Variants in BRWD3 observed in about 807,000 individuals in gnomAD.
BRWD3 encodes bromodomain and WD repeat-containing protein 3.
BRWD3 carries 10 observed loss-of-function variants against 149.7 expected under a neutral mutation model. The ratio of observed to expected loss-of-function variants is 0.07; its 90% confidence interval spans 0.04 to 0.11. The LOEUF is 0.11. Among genes scored for constraint, BRWD3 ranks in the 10% least tolerant of loss-of-function variants. The pLI is 1.00. For missense variants in BRWD3, 940 were observed against 1,373.2 expected (o/e 0.68, Z 4.99); for synonymous variants, 504 against 456.7 (o/e 1.10, Z -1.32).
rs187822074 is a variant in BRWD3, at chrX:80,734,225, G to T, written c.986-7C>A. On this transcript the variant is annotated splice_region_variant and splice_polypyrimidine_tract_variant and intron_variant, in intron 10 of 40. Coordinates refer to ENST00000373275, the MANE Select transcript of BRWD3 (RefSeq NM_153252.5). ...GTTGTAATGAACATACCACCTAGAA[G>T]ATTAAAAAACAAAACAAAACATAGT... is the stretch of plus-strand genomic sequence containing the variant. 21 of 1,117,619 alleles carry T rather than the reference G, an allele frequency of 1.9e-5. No homozygotes were observed. In the East Asian group the frequency reaches 6.3e-4, roughly 34 times the overall value. 92.1% of individuals were successfully genotyped at this position (1,117,619 alleles called of 1,213,427 possible).
At chrX:80,691,498 C>A (rs916247570) in intron 30 of BRWD3, among the ~76,000 whole-genome samples, 1 of 111,301 alleles carries the variant, frequency 9.0e-6, no homozygotes, top group African/African-American at 3.3e-5. Flanking sequence ...GGGTAAAATA[C>A]ATTACTCATC....
rs2074186426 is a variant in BRWD3 at position 80,791,933 on chromosome X, C to A, written c.351G>T (p.Trp117Cys). The change falls in exon 6 of 41, where the codon TGG becomes TGT. Residue 117 changes from tryptophan (W) to cysteine (C), a missense_variant. Physicochemically the swap from Trp to Cys is radical, Grantham distance 215. Coordinates refer to ENST00000373275, the MANE Select transcript of BRWD3 (RefSeq NM_153252.5). ...GCAGAGCCGCAAAAGCAGACCCATT[C>A]CATAGTGTACTCTTACAGTCTATAT... is the stretch of plus-strand genomic sequence containing the variant. ...RDAKDCKSTL[W>C]NGSAFAALHR... 1 of 1,195,526 alleles carries A rather than the reference C, an allele frequency of 8.4e-7. No homozygotes were observed. The highest frequency in any genetic ancestry group is 1.1e-6 in the Non-Finnish European group (1 of 883,567).
chrX:80,809,079 C>G, intron 2 of BRWD3, 37 bp from the exon 3 acceptor site: 1 of 1,175,825 alleles, frequency 8.5e-7, no homozygotes, highest in South Asian at 1.9e-5. Flanking sequence ...AGGAGCAGCT[C>G]GGGCCATCAA....
intron 14 of BRWD3, among the ~76,000 whole-genome samples, chrX:80,726,287 C>T (rs1355268606): frequency 4.9e-5 from 5 of 102,971 alleles, no homozygotes. Flanking sequence ...GTCTGTATAA[C>T]ATATAACACG....
At position 80,677,322 on chromosome X, in the gene BRWD3, C is replaced by T; in HGVS notation, c.4696G>A (p.Glu1566Lys). The part of the protein sequence containing the change: ...DGPLTNGDGR[E>K]PRTGIKRKLL... The stretch of plus-strand genomic sequence containing the variant: ...TTTCTCTTGATTCCTGTCCGGGGCT[C>T]TCTGCCATCACCATTTGTAAGGGGT... Residue 1566 changes from glutamate (E) to lysine (K), a missense_variant, in exon 41 of 41, where the codon GAG becomes AAG. Glu to Lys is a moderately conservative substitution (Grantham distance 56). Transcript: ENST00000373275. 1 of 1,207,576 alleles carries T rather than the reference C, an allele frequency of 8.3e-7. No homozygotes were observed. The highest frequency in any genetic ancestry group is 1.7e-5 in the African/African-American group (1 of 57,537).
chrX:80,809,178 G>C, intron 2 of BRWD3, 68 bp downstream of exon 2: 2 of 1,151,544 alleles, frequency 1.7e-6, no homozygotes, highest in Non-Finnish European at 2.3e-6. Flanking sequence ...GGAACTGCTC[G>C]TCCCGCTGCC....
At position 80,809,735 on chromosome X, in the gene BRWD3, GAA is replaced by G. The variant is rs1491267764; in HGVS notation, c.-266_-265del. ...AGTGAGTGAGTGAGAGAGAGAGAGA[GAA>G]GAGAGAGAGAGAGAGAGGAAAAAGA... is the stretch of plus-strand genomic sequence containing the variant. On this transcript the variant is annotated 5_prime_UTR_variant, in exon 1 of 41. Coordinates refer to ENST00000373275, the MANE Select transcript of BRWD3 (RefSeq NM_153252.5). 7.9e-5 allele frequency: 8 copies of G among 101,252 alleles called. No homozygotes were observed. The highest frequency in any genetic ancestry group is 1.3e-4 in the Non-Finnish European group (6 of 46,524). 8.3% of individuals were successfully genotyped at this position (101,252 alleles called of 1,213,427 possible). A position where few individuals can be genotyped will look rare whatever the true frequency, so the allele number is the denominator to read the frequency against.
At chrX:80,798,270 T>C (rs1161395762) in intron 4 of BRWD3, among the ~76,000 whole-genome samples, 1 of 111,430 alleles carries the variant, frequency 9.0e-6, no homozygotes, top group African/African-American at 3.3e-5. Context: ...AAAATGTTTC[T>C]TCTAAATCAA....
At position 80,804,631 on chromosome X, in the gene BRWD3, T is replaced by C. The variant is rs747185491; in HGVS notation, c.180+3908A>G. ...GTTTCCAAATCACCATTTCAATATA[T>C]AAAACTTATAGATTAACAAGAACTG... On this transcript the variant is annotated intron_variant, in intron 4 of 40. Coordinates refer to ENST00000373275, the MANE Select transcript of BRWD3 (RefSeq NM_153252.5). Among the ~76,000 whole-genome samples the C allele has an allele frequency of 6.3e-5, 7 of 111,910 alleles. No homozygotes were observed. In the East Asian group the frequency reaches 1.9e-3, roughly 31 times the overall value.
rs1185700528 is a variant in BRWD3, at chrX:80,677,709, C to T, written c.4655-346G>A. 2.7e-5 allele frequency among the ~76,000 whole-genome samples: 3 copies of T among 111,284 alleles called. 1 individual carries two copies. The highest frequency in any genetic ancestry group is 5.7e-5 in the Non-Finnish European group (3 of 52,994). On this transcript the variant is annotated intron_variant, in intron 40 of 40. Coordinates refer to ENST00000373275, the MANE Select transcript of BRWD3 (RefSeq NM_153252.5). ...ATTATCTACTATTAGCAAGGCATTG[C>T]TAGAAGCTTTGAATACGGCAATGAA...
At chrX:80,750,629 G>A (rs1401949359) in intron 6 of BRWD3, among the ~76,000 whole-genome samples, 1 of 111,381 alleles carries the variant, frequency 9.0e-6, no homozygotes, top group Non-Finnish European at 1.9e-5. Flanking sequence ...ACTGTTGGCA[G>A]CAATGTAAAT....
At chrX:80,748,960 C>A (rs1294675445) in intron 6 of BRWD3, among the ~76,000 whole-genome samples, 2 of 111,637 alleles carry the variant, frequency 1.8e-5, no homozygotes, top group Non-Finnish European at 3.8e-5. Flanking sequence ...TTCTTTGACT[C>A]ATGGTTTTTC....
intron 4 of BRWD3, among the ~76,000 whole-genome samples, chrX:80,805,709 A>C (rs2074342377): frequency 8.9e-6 from 1 of 111,910 alleles, no homozygotes; most frequent in African/African-American, 3.3e-5. Flanking sequence ...GCTGAGGTTT[A>C]CGAATCACGA....
intron 20 of BRWD3, among the ~76,000 whole-genome samples, chrX:80,715,695 G>C (rs909196504): frequency 1.8e-5 from 2 of 111,985 alleles, no homozygotes; most frequent in African/African-American, 6.5e-5. Flanking sequence ...ATTCAATTCT[G>C]TCTTACAGCC....
intron 6 of BRWD3, among the ~76,000 whole-genome samples, chrX:80,780,482 G>A (rs1453229738): frequency 9.0e-6 from 1 of 111,339 alleles, no homozygotes; most frequent in Non-Finnish European, 1.9e-5. Flanking sequence ...AACACATATA[G>A]GCTATATAAA....
At chrX:80,769,011 G>A (rs1182823075) in intron 6 of BRWD3, among the ~76,000 whole-genome samples, 2 of 111,713 alleles carry the variant, frequency 1.8e-5, no homozygotes, top group Non-Finnish European at 3.8e-5. Flanking sequence ...TTACATAATG[G>A]TAAAGGGATC....
At chrX:80,757,283 A>G (rs773846435) in intron 6 of BRWD3, among the ~76,000 whole-genome samples, 1 of 111,833 alleles carries the variant, frequency 8.9e-6, no homozygotes, top group East Asian at 2.8e-4. Context: ...ACTTCTAAAA[A>G]CTCATTAAAA....
At chrX:80,692,756 A>G (rs1209607735) in intron 28 of BRWD3, among the ~76,000 whole-genome samples, 184 bp downstream of exon 28, 2 of 111,963 alleles carry the variant, frequency 1.8e-5, no homozygotes, top group African/African-American at 6.5e-5. Context: ...AAAACAAAGA[A>G]CTTTGCTTTG....
intron 4 of BRWD3, among the ~76,000 whole-genome samples, chrX:80,797,363 C>G (rs756476354): frequency 9.0e-6 from 1 of 111,140 alleles, no homozygotes; most frequent in South Asian, 3.8e-4. Context: ...TGGACCAACT[C>G]AAGATATTCA....
Sources: gnomAD v4.1 joint callset for allele counts (sites outside exome capture counted in the v4.1 genomes callset) on GRCh38, gnomAD v4.1.1 for gene constraint, MANE v1.5 for transcripts, NCBI Gene and HGNC (gene_info 2026-07-23, HGNC 2026-07-21) for gene names.